VIPR2: variants seen among roughly 807,000 people sequenced by gnomAD.
The protein encoded by VIPR2 is vasoactive intestinal polypeptide receptor 2.
Under a neutral mutation model 58.0 loss-of-function variants are expected in VIPR2, and 48 were observed. The ratio of observed to expected loss-of-function variants is 0.83; its 90% CI spans 0.66 to 1.05. The LOEUF is 1.05. Among genes scored for constraint, VIPR2 ranks in the 50% least tolerant of loss-of-function variants. VIPR2 has a pLI of 0.00. For missense variants in VIPR2, 534 were observed against 558.0 expected, an observed-to-expected ratio of 0.96 and a Z score of 0.43; for synonymous variants, 243 against 235.2, an observed-to-expected ratio of 1.03 and a Z score of -0.30.
intron 5 of VIPR2, among the ~76,000 whole-genome samples, chr7:159,045,975 T>C (rs893801173): frequency 2.6e-5 from 4 of 151,608 alleles, no homozygotes; most frequent in Non-Finnish European, 5.9e-5. Context: ...TCTCCAAAGA[T>C]ATACAAATGG....
chr7:159,068,333 T>C (rs1856202262), intron 4 of VIPR2, among the ~76,000 whole-genome samples: 1 of 152,180 alleles, frequency 6.6e-6, no homozygotes, highest in Admixed American at 6.5e-5. Flanking sequence ...TAGAACTAAT[T>C]AAAATCTGTC....
chr7:159,030,907 GC>G (rs2129492659), intron 12 of VIPR2, 118 bp from the exon 13 acceptor site: 2 of 1,293,122 alleles, frequency 1.5e-6, no homozygotes, highest in Non-Finnish European at 2.0e-6. Flanking sequence ...TATCTGTGTT[GC>G]CAGCAGATGG....
intron 4 of VIPR2, among the ~76,000 whole-genome samples, chr7:159,092,650 CTTT>C (rs60400731): frequency 0.36 from 48,302 of 133,260 alleles, 9,496 homozygotes; most frequent in African/African-American, 0.6. Context: ...CTTTTCTTTT[CTTT>C]TTTTTTTTTT....
intron 2 of VIPR2, among the ~76,000 whole-genome samples, chr7:159,133,373 C>G (rs1171016345): frequency 6.6e-6 from 1 of 152,302 alleles, no homozygotes; most frequent in Non-Finnish European, 1.5e-5. Context: ...ACTTAATGTC[C>G]TTTCTCCCTG....
intron 8 of VIPR2, among the ~76,000 whole-genome samples, chr7:159,035,228 G>C (rs1853855236): frequency 6.6e-6 from 1 of 152,186 alleles, no homozygotes; most frequent in Non-Finnish European, 1.5e-5. Context: ...TTGCAGGCTT[G>C]GGTCCATGCT....
chr7:159,029,368 G>A lies in VIPR2; in HGVS notation c.*1248C>T, dbSNP rs2239712. The A allele has an allele frequency of 0.44, 66,300 of 151,968 alleles. 16,801 individuals are homozygous for A. Among genetic ancestry groups the A allele is most frequent in the Non-Finnish European group, 0.58 (39,274 of 67,938 alleles). The allele number at this position is 151,968 out of a possible 1,614,324, so 9.4% of individuals were successfully genotyped here. ...CTGATATCCCCACCCTTCTGCAGCT[G>A]GCTCAGCAACGTCCCCAGACACCCT... On this transcript the variant is annotated 3_prime_UTR_variant, in exon 13 of 13. Coordinates refer to ENST00000262178, the MANE Select transcript of VIPR2 (RefSeq NM_003382.5).
rs904685974 is a variant in VIPR2 at position 159,095,120 on chromosome 7, G to A, written c.357+8637C>T. 6.6e-6 allele frequency among the ~76,000 whole-genome samples: 1 copy of A among 152,156 alleles called. No homozygotes were observed. The highest frequency in any genetic ancestry group is 1.5e-5 in the Non-Finnish European group (1 of 68,018). The stretch of plus-strand genomic sequence containing the variant: ...CTAGGGAGAGTTCCAGATTAAAGCC[G>A]GGGAGCCACCACAACCACACACAGC... On this transcript the variant is annotated intron_variant, in intron 4 of 12. Transcript: ENST00000262178. This position sits in a 1 kb window ranked among gnomAD's most constrained non-coding sequence, Gnocchi z 5.2.
At chr7:159,142,398 C>G (rs375082120) in intron 2 of VIPR2, 48 bp downstream of exon 2, 1 of 1,448,014 alleles carries the variant, frequency 6.9e-7, no homozygotes, top group Non-Finnish European at 9.7e-7. Context: ...GGCGCATTCC[C>G]GGGTGAGAAT....
intron 2 of VIPR2, among the ~76,000 whole-genome samples, chr7:159,126,240 C>T (rs937165105): frequency 4.6e-5 from 7 of 152,224 alleles, no homozygotes; most frequent in African/African-American, 1.7e-4. Context: ...CTCACTCCTA[C>T]AGAATCTCAG....
chr7:159,132,402 C>G (rs1051703159), intron 2 of VIPR2, among the ~76,000 whole-genome samples: 2 of 143,440 alleles, frequency 1.4e-5, no homozygotes, highest in African/African-American at 2.5e-5. Flanking sequence ...AGGGACTGCA[C>G]TGGAACCTGG....
intron 2 of VIPR2, among the ~76,000 whole-genome samples, chr7:159,112,864 G>A (rs984830923): frequency 6.6e-6 from 1 of 151,960 alleles, no homozygotes; most frequent in African/African-American, 2.4e-5. Flanking sequence ...CTGTGAGGAG[G>A]AGACTCACGG....
At chr7:159,046,239 A>T (rs899830269) in intron 5 of VIPR2, among the ~76,000 whole-genome samples, 3 of 152,226 alleles carry the variant, frequency 2.0e-5, no homozygotes, top group Admixed American at 2.0e-4. Context: ...AGTTGGAAAC[A>T]AGTTTTCAAA....
intron 5 of VIPR2, among the ~76,000 whole-genome samples, chr7:159,052,007 G>C (rs1855039703): frequency 6.6e-6 from 1 of 152,112 alleles, no homozygotes; most frequent in African/African-American, 2.4e-5. Context: ...ATTGAAAAAC[G>C]ATGTGAATGA....
At chr7:159,068,456 C>T (rs1051707624) in intron 4 of VIPR2, among the ~76,000 whole-genome samples, 2 of 152,216 alleles carry the variant, frequency 1.3e-5, no homozygotes, top group Non-Finnish European at 2.9e-5. Flanking sequence ...TAGCCAACAG[C>T]GAGGGCTCAA....
intron 4 of VIPR2, among the ~76,000 whole-genome samples, chr7:159,062,322 T>A (rs575441997): frequency 6.6e-6 from 1 of 152,112 alleles, no homozygotes; most frequent in African/African-American, 2.4e-5. Context: ...GGGTTTTTGG[T>A]CTCACTGACT....
chr7:159,081,273 T>C (rs1427862206), intron 4 of VIPR2, among the ~76,000 whole-genome samples: 1 of 152,140 alleles, frequency 6.6e-6, no homozygotes, highest in East Asian at 1.9e-4. Flanking sequence ...AACAGAGAGA[T>C]AGACCAATGG....
Position 159,065,271 on chromosome 7 carries a change from C to G in VIPR2, c.358-6693G>C, listed in dbSNP as rs113998908. 4.1e-3 allele frequency among the ~76,000 whole-genome samples: 619 copies of G among 152,340 alleles called. 5 individuals carry two copies. Among genetic ancestry groups the G allele is most frequent in the African/African-American group, 0.014 (567 of 41,574 alleles). On this transcript the variant is annotated intron_variant, in intron 4 of 12. Coordinates refer to ENST00000262178, the MANE Select transcript of VIPR2 (RefSeq NM_003382.5). Reference sequence around the variant, plus strand: ...TCATGCTGCTGTTCCCTCTGCCCGCCCATCTCCCTCCCTCCCCTCCCCTGC... The same window carrying G: ...TCATGCTGCTGTTCCCTCTGCCCGCGCATCTCCCTCCCTCCCCTCCCCTGC...
Position 159,096,465 on chromosome 7 carries a change from C to T in VIPR2, c.357+7292G>A, listed in dbSNP as rs1554513665. On this transcript the variant is annotated intron_variant, in intron 4 of 12. Coordinates refer to ENST00000262178, the MANE Select transcript of VIPR2 (RefSeq NM_003382.5). This position sits in a 1 kb window ranked among gnomAD's most constrained non-coding sequence, Gnocchi z 5.5. ...CTTCCACCTTCCTGATCATGTGGAC[C>T]TCTAATTCCTTCACCTTCATCTCCC... is the stretch of plus-strand genomic sequence containing the variant. 6.6e-6 allele frequency among the ~76,000 whole-genome samples: 1 copy of T among 152,210 alleles called. No individual in the cohort carries two copies. The highest frequency in any genetic ancestry group is 1.5e-5 in the Non-Finnish European group (1 of 68,038).
rs1853566138 is a variant in VIPR2 at position 159,031,328 on chromosome 7, G to A, written c.1143+500C>T. Among the ~76,000 whole-genome samples the A allele has an allele frequency of 6.6e-6, 1 of 151,590 alleles. No individual in the cohort carries two copies. The highest frequency in any genetic ancestry group is 1.5e-5 in the Non-Finnish European group (1 of 67,878). ...AGCAACCGCAGCGTGGGGCGGGAGG[G>A]TCAGGGGTCAGGGGACGGGGCCAGG... On this transcript the variant is annotated intron_variant, in intron 12 of 12. Transcript: ENST00000262178. The surrounding 1 kb of genome is among the most constrained non-coding windows in gnomAD (Gnocchi z 4.0).
Sources: allele counts gnomAD v4.1 joint callset (sites outside exome capture counted in the v4.1 genomes callset), GRCh38; gene constraint gnomAD v4.1.1; non-coding constraint Gnocchi (gnomAD v3.1); transcripts MANE v1.5; gene names NCBI Gene and HGNC (gene_info 2026-07-23, HGNC 2026-07-21).